The following SOX5 variants were observed in gnomAD, a reference collection of about 807,000 sequenced individuals.
SOX5 encodes SRY-box transcription factor 5.
In SOX5, 9 loss-of-function variants were observed where a neutral mutation model predicts 92.0. That is an observed-to-expected ratio of 0.10 (90% CI 0.06 to 0.17). SOX5 has a LOEUF of 0.17. Among genes scored for constraint, SOX5 ranks in the 10% least tolerant of loss-of-function variants. SOX5 has a pLI of 1.00. For synonymous variants in SOX5, 344 were observed against 336.3 expected, an observed-to-expected ratio of 1.02 and a Z score of -0.25; for missense variants, 642 against 944.5, an observed-to-expected ratio of 0.68 and a Z score of 4.20.
chr12:23,551,784 AT>A (rs202060453), intron 11 of SOX5, among the ~76,000 whole-genome samples: 1,810 of 147,854 alleles, frequency 0.012, 28 homozygotes, highest in African/African-American at 0.035. Context: ...TCTAATACTG[AT>A]TTTTTTTTTT....
chr12:24,189,798 G>A (rs1452694230), intron 4 of SOX5, among the ~76,000 whole-genome samples: 1 of 152,042 alleles, frequency 6.6e-6, no homozygotes, highest in East Asian at 1.9e-4. Context: ...ATCATTTTAT[G>A]TATGTATGCT....
At chr12:23,822,240 A>G (rs1424844410) in intron 3 of SOX5, among the ~76,000 whole-genome samples, 5 of 151,992 alleles carry the variant, frequency 3.3e-5, no homozygotes, top group Admixed American at 6.6e-5. Flanking sequence ...GATCTTTCCC[A>G]CTTTCTCCTG....
At chr12:24,162,514 G>T (rs1952872870) in intron 4 of SOX5, among the ~76,000 whole-genome samples, 2 of 152,098 alleles carry the variant, frequency 1.3e-5, no homozygotes, top group African/African-American at 4.8e-5. Flanking sequence ...AGAGTAAGGA[G>T]AAATAGTAAT....
chr12:24,441,201 A>G (rs867341015), intron 1 of SOX5, among the ~76,000 whole-genome samples: 2 of 152,194 alleles, frequency 1.3e-5, no homozygotes, highest in Non-Finnish European at 2.9e-5. Flanking sequence ...AGAAATGCAA[A>G]AAAATTCCCT....
At chr12:24,051,617 A>G (rs533508479) in intron 4 of SOX5, among the ~76,000 whole-genome samples, 2 of 152,318 alleles carry the variant, frequency 1.3e-5, no homozygotes, top group African/African-American at 4.8e-5. Context: ...GAAAATTGTT[A>G]AAAGTCTTTG....
chr12:23,627,121 A>T (rs2077930654), intron 8 of SOX5, among the ~76,000 whole-genome samples: 1 of 152,198 alleles, frequency 6.6e-6, no homozygotes, highest in African/African-American at 2.4e-5. Flanking sequence ...AATTTCCAGT[A>T]ACACAATGGC....
At chr12:23,604,138 T>C (rs1450931041) in intron 9 of SOX5, 5 of 398,640 alleles carry the variant, frequency 1.3e-5, no homozygotes, top group Middle Eastern at 7.4e-4. Context: ...GATACCCATC[T>C]GATAATCTTT....
chr12:23,561,315 C>A (rs1232413318), intron 11 of SOX5, among the ~76,000 whole-genome samples: 1 of 152,078 alleles, frequency 6.6e-6, no homozygotes, highest in Non-Finnish European at 1.5e-5. Flanking sequence ...CGAGAAGTGG[C>A]AATAAGGTCC....
intron 6 of SOX5, among the ~76,000 whole-genome samples, chr12:23,689,333 T>C (rs935922535): frequency 6.6e-6 from 1 of 152,160 alleles, no homozygotes; most frequent in Non-Finnish European, 1.5e-5. Flanking sequence ...TTTTAAAAGC[T>C]TGGCAAATGT....
intron 2 of SOX5, among the ~76,000 whole-genome samples, chr12:24,302,393 G>T (rs1030866502): frequency 6.6e-6 from 1 of 152,144 alleles, no homozygotes; most frequent in African/African-American, 2.4e-5. Flanking sequence ...ACGGGGAAGG[G>T]TTCTATACAA....
At chr12:23,784,420 G>A (rs910500954) in intron 3 of SOX5, among the ~76,000 whole-genome samples, 2 of 151,970 alleles carry the variant, frequency 1.3e-5, no homozygotes, top group South Asian at 2.1e-4. Flanking sequence ...TCCGCCTCCC[G>A]GGTTCACGCC....
chr12:23,990,787 A>T (rs1950486811), intron 4 of SOX5, among the ~76,000 whole-genome samples: 3 of 152,054 alleles, frequency 2.0e-5, no homozygotes, highest in African/African-American at 4.8e-5. Context: ...GCACCTACCC[A>T]TGCCTAGAAC....
At chr12:24,017,662 T>G (rs1356983568) in intron 4 of SOX5, among the ~76,000 whole-genome samples, 1 of 151,904 alleles carries the variant, frequency 6.6e-6, no homozygotes, top group Non-Finnish European at 1.5e-5. Flanking sequence ...AAGAAAAGAA[T>G]GCAACACCAC....
chr12:23,655,316 T>C (rs2082173594), intron 7 of SOX5, among the ~76,000 whole-genome samples: 1 of 152,100 alleles, frequency 6.6e-6, no homozygotes, highest in Non-Finnish European at 1.5e-5. Flanking sequence ...TATTGCACAA[T>C]AACTCATTTT....
chr12:24,550,090 T>A (rs1280055731), intron 1 of SOX5, among the ~76,000 whole-genome samples: 1 of 152,270 alleles, frequency 6.6e-6, no homozygotes, highest in Non-Finnish European at 1.5e-5. Flanking sequence ...TTGCTAGCTA[T>A]GCTACTTTGA....
intron 1 of SOX5, among the ~76,000 whole-genome samples, chr12:24,497,809 T>C (rs772598278): frequency 2.0e-5 from 3 of 152,126 alleles, no homozygotes; most frequent in Non-Finnish European, 4.4e-5. Flanking sequence ...CAAATGTCCA[T>C]CAATGGTAGA....
At chr12:24,155,895 G>A (rs1952116711) in intron 4 of SOX5, among the ~76,000 whole-genome samples, 2 of 152,118 alleles carry the variant, frequency 1.3e-5, no homozygotes, top group East Asian at 1.9e-4. Context: ...ACAGTAGCAG[G>A]AGGTGACAGT....
intron 6 of SOX5, among the ~76,000 whole-genome samples, chr12:23,700,810 A>C (rs1406036746): frequency 6.6e-6 from 1 of 152,034 alleles, no homozygotes; most frequent in Non-Finnish European, 1.5e-5. Context: ...AGCCCAAATG[A>C]GTTCTTCCTT....
At chr12:23,886,037 T>C (rs2097060302) in intron 2 of SOX5, among the ~76,000 whole-genome samples, 1 of 152,190 alleles carries the variant, frequency 6.6e-6, no homozygotes, top group Admixed American at 6.5e-5. Context: ...TTAATTTACC[T>C]AATGTACCAC....
Sources: gnomAD v4.1 joint callset for allele counts (sites outside exome capture counted in the v4.1 genomes callset) on GRCh38, gnomAD v4.1.1 for gene constraint, MANE v1.5 for transcripts, NCBI Gene and HGNC (gene_info 2026-07-23, HGNC 2026-07-21) for gene names.